The following USP46 variants were observed in gnomAD, a reference collection of about 807,000 sequenced individuals.
USP46 encodes ubiquitin carboxyl-terminal hydrolase 46.
USP46 carries 12 observed loss-of-function variants against 44.4 expected under a neutral mutation model. That is an observed-to-expected ratio of 0.27 (90% CI 0.17 to 0.44). The LOEUF (loss-of-function observed/expected upper bound fraction) is 0.44. Among genes scored for constraint, USP46 ranks in the 20% least tolerant of loss-of-function variants. The pLI is 1.00. For missense variants in USP46, 248 were observed against 444.8 expected (o/e 0.56, Z 3.98); for synonymous variants, 155 against 161.5 (o/e 0.96, Z 0.31).
At chr4:52,623,145 A>T (rs1004269639) in intron 4 of USP46, among the ~76,000 whole-genome samples, 1 of 152,172 alleles carries the variant, frequency 6.6e-6, no homozygotes, top group Non-Finnish European at 1.5e-5. Context: ...GAGGAAGAAA[A>T]GTATCTTAAG....
At chr4:52,644,737 T>TAA (rs781627890) in intron 1 of USP46, among the ~76,000 whole-genome samples, 37 of 108,406 alleles carry the variant, frequency 3.4e-4, no homozygotes, top group South Asian at 9.3e-4. Context: ...GATATTGAAT[T>TAA]AAAAAAAAAA....
At chr4:52,620,333 T>C (rs1192673414) in intron 4 of USP46, among the ~76,000 whole-genome samples, 1 of 152,228 alleles carries the variant, frequency 6.6e-6, no homozygotes, top group East Asian at 1.9e-4. Flanking sequence ...GCAGGTTTTC[T>C]AGCTACAAAT....
intron 7 of USP46, among the ~76,000 whole-genome samples, chr4:52,600,475 G>A (rs1716426394): frequency 6.6e-6 from 1 of 152,158 alleles, no homozygotes; most frequent in Admixed American, 6.5e-5. Flanking sequence ...TTAGTGGCAT[G>A]CATGACTTGG....
chr4:52,616,791 C>A (rs780090558), intron 4 of USP46, among the ~76,000 whole-genome samples: 3 of 152,096 alleles, frequency 2.0e-5, no homozygotes, highest in Non-Finnish European at 2.9e-5. Flanking sequence ...TCCCTAACCA[C>A]AACAAAATTA....
chr4:52,638,041 A>G (rs1577689051), intron 1 of USP46, among the ~76,000 whole-genome samples: 1 of 152,188 alleles, frequency 6.6e-6, no homozygotes, highest in East Asian at 1.9e-4. Context: ...TGCCCCTCCC[A>G]AAGGTGTCCA....
intron 1 of USP46, among the ~76,000 whole-genome samples, chr4:52,639,016 T>C (rs1718228758): frequency 6.6e-6 from 1 of 152,202 alleles, no homozygotes; most frequent in Non-Finnish European, 1.5e-5. Flanking sequence ...CTACTTCACA[T>C]GCTAGCATTT....
chr4:52,598,716 A>T lies in USP46; in HGVS notation c.921-10T>A. 1 of 1,599,834 alleles carries T rather than the reference A, an allele frequency of 6.3e-7. No individual in the cohort carries two copies. Among genetic ancestry groups the T allele is most frequent in the Non-Finnish European group, 8.5e-7 (1 of 1,172,892 alleles). On this transcript the variant is annotated splice_polypyrimidine_tract_variant and intron_variant, in intron 7 of 8. Coordinates refer to ENST00000441222, the MANE Select transcript of USP46 (RefSeq NM_022832.4). The stretch of plus-strand genomic sequence containing the variant: ...CCCACGATTAGGACCACTGGAAAAG[A>T]ACAAATAAAAGGCAGTTAGCAAGTT...
intron 1 of USP46, among the ~76,000 whole-genome samples, chr4:52,654,460 T>C (rs1002358014): frequency 2.0e-5 from 3 of 152,234 alleles, no homozygotes; most frequent in African/African-American, 7.2e-5. Context: ...GATAAAACTA[T>C]AAAAATACTC....
chr4:52,646,001 C>T (rs1718539305), intron 1 of USP46, among the ~76,000 whole-genome samples: 1 of 152,184 alleles, frequency 6.6e-6, no homozygotes, highest in Admixed American at 6.5e-5. Flanking sequence ...TGAAGCCTCC[C>T]AGTCATGCTT....
chr4:52,631,252 G>T, intron 1 of USP46, 108 bp from the exon 2 acceptor site: 2 of 794,896 alleles, frequency 2.5e-6, no homozygotes, highest in Non-Finnish European at 3.9e-6. Context: ...TGGTCAACAC[G>T]GTATTTGTTG....
In USP46 at chr4:52,593,076, C is replaced by T; in HGVS notation, c.*4564G>A. On this transcript the variant is annotated 3_prime_UTR_variant, in exon 9 of 9. Coordinates refer to ENST00000441222, the MANE Select transcript of USP46 (RefSeq NM_022832.4). ...ATAGCACTGCCAGAATGGACAAATA[C>T]AACGACTTAGTAAGTATTTTTATCT... 1 of 396,970 alleles carries T rather than the reference C, an allele frequency of 2.5e-6. No homozygotes were observed. The highest frequency in any genetic ancestry group is 4.4e-6 in the Non-Finnish European group (1 of 225,584). 24.6% of individuals were successfully genotyped at this position (396,970 alleles called of 1,614,324 possible).
intron 1 of USP46, among the ~76,000 whole-genome samples, chr4:52,647,003 C>A (rs1406204475): frequency 4.6e-5 from 7 of 152,244 alleles, no homozygotes; most frequent in African/African-American, 1.7e-4. Flanking sequence ...CACAGATATA[C>A]TCCCACATAT....
intron 4 of USP46, 50 bp from the exon 5 acceptor site, chr4:52,610,667 T>A (rs995456590): frequency 6.4e-7 from 1 of 1,569,334 alleles, no homozygotes; most frequent in Admixed American, 1.7e-5. Context: ...ATGTAGTAGA[T>A]AAAACTTTGA....
At chr4:52,642,717 T>G (rs1467605442) in intron 1 of USP46, among the ~76,000 whole-genome samples, 1 of 152,202 alleles carries the variant, frequency 6.6e-6, no homozygotes, top group African/African-American at 2.4e-5. Flanking sequence ...CAGATTTTTT[T>G]TCAAAATCAC....
chr4:52,608,320 CAAT>C (rs976464416), intron 5 of USP46, among the ~76,000 whole-genome samples: 5 of 152,174 alleles, frequency 3.3e-5, no homozygotes, highest in Non-Finnish European at 5.9e-5. Context: ...TCACTCACCA[CAAT>C]AATTCAAAAT....
At chr4:52,602,387 C>T (rs561163243) in intron 6 of USP46, among the ~76,000 whole-genome samples, 1 of 152,262 alleles carries the variant, frequency 6.6e-6, no homozygotes, top group South Asian at 2.1e-4. Flanking sequence ...GGACAATCTA[C>T]CCCCTGAGAT....
intron 1 of USP46, chr4:52,658,186 A>T (rs1365341494): frequency 2.2e-6 from 1 of 454,534 alleles, no homozygotes; most frequent in Admixed American, 2.4e-5. Flanking sequence ...TGCAAGGGAC[A>T]GCAATGCCTT....
At chr4:52,605,405 A>C (rs376781536) in intron 5 of USP46, among the ~76,000 whole-genome samples, 3 of 152,326 alleles carry the variant, frequency 2.0e-5, no homozygotes, top group African/African-American at 7.2e-5. Flanking sequence ...ACTGCTTCAA[A>C]GGCTGAAAAG....
intron 1 of USP46, among the ~76,000 whole-genome samples, chr4:52,644,737 T>TAAAAA (rs781627890): frequency 9.2e-6 from 1 of 108,410 alleles, no homozygotes; most frequent in South Asian, 3.1e-4. Flanking sequence ...GATATTGAAT[T>TAAAAA]AAAAAAAAAA....
Sources: allele counts gnomAD v4.1 joint callset (sites outside exome capture counted in the v4.1 genomes callset), GRCh38; gene constraint gnomAD v4.1.1; transcripts MANE v1.5; gene names NCBI Gene and HGNC (gene_info 2026-07-23, HGNC 2026-07-21).